ALPK1: variants seen among roughly 807,000 people sequenced by gnomAD.
ALPK1 encodes alpha kinase 1, also known as alpha-protein kinase 1.
ALPK1 carries 110 observed loss-of-function variants against 120.6 expected under a neutral mutation model. The ratio of observed to expected loss-of-function variants is 0.91; its 90% CI spans 0.78 to 1.07. The LOEUF is 1.07. ALPK1 is among the 50% of genes least tolerant of loss of function. ALPK1 has a pLI of 0.00. For synonymous variants in ALPK1, 582 were observed against 560.3 expected, an observed-to-expected ratio of 1.04 and a Z score of -0.55; for missense variants, 1,498 against 1,483.9, an observed-to-expected ratio of 1.01 and a Z score of -0.16.
chr4:112,306,811 C>T (rs1488789792), intron 1 of ALPK1, among the ~76,000 whole-genome samples: 1 of 151,930 alleles, frequency 6.6e-6, no homozygotes, highest in Non-Finnish European at 1.5e-5. Flanking sequence ...TGTGTTTGCC[C>T]TTGCTTCTCT....
intron 11 of ALPK1, 28 bp downstream of exon 11, chr4:112,432,609 C>G: frequency 1.3e-6 from 2 of 1,588,526 alleles, no homozygotes; most frequent in Non-Finnish European, 1.7e-6. Context: ...AATAGTTCCC[C>G]CCTCAGGAAG....
At chr4:112,376,461 T>C (rs1398434803) in intron 2 of ALPK1, among the ~76,000 whole-genome samples, 1 of 152,190 alleles carries the variant, frequency 6.6e-6, no homozygotes, top group Non-Finnish European at 1.5e-5. Context: ...GCCAAGTTAG[T>C]ATGAAAAACA....
chr4:112,358,392 G>T (rs1439515387), intron 2 of ALPK1: 1 of 616,596 alleles, frequency 1.6e-6, no homozygotes, highest in South Asian at 1.8e-5. Context: ...CCCAGTTTGC[G>T]TGAGGCAGAA....
At chr4:112,388,270 G>A (rs763080936) in intron 4 of ALPK1, among the ~76,000 whole-genome samples, 7 of 152,120 alleles carry the variant, frequency 4.6e-5, no homozygotes, top group Admixed American at 6.5e-5. Context: ...ATAAGAGTTG[G>A]TTATTGCAAG....
At chr4:112,382,691 G>A in intron 4 of ALPK1, 139 bp downstream of exon 4, 3 of 1,220,090 alleles carry the variant, frequency 2.5e-6, no homozygotes, top group South Asian at 1.4e-5. Context: ...ATTGACTAAT[G>A]TGAGGGAAAT....
chr4:112,437,939 C>A (rs1222362102), intron 12 of ALPK1, among the ~76,000 whole-genome samples: 3 of 152,198 alleles, frequency 2.0e-5, no homozygotes, highest in African/African-American at 7.2e-5. Flanking sequence ...TGCCTTGTGT[C>A]TTCCCACACC....
chr4:112,306,210 C>CA (rs1553930537), intron 1 of ALPK1, among the ~76,000 whole-genome samples: 1 of 151,188 alleles, frequency 6.6e-6, no homozygotes, highest in Non-Finnish European at 1.5e-5. Flanking sequence ...CTAAAATTCT[C>CA]TTTTTTTGTT....
At chr4:112,401,085 T>C (rs1390075891) in intron 4 of ALPK1, among the ~76,000 whole-genome samples, 1 of 152,158 alleles carries the variant, frequency 6.6e-6, no homozygotes, top group Non-Finnish European at 1.5e-5. Flanking sequence ...ATTTAACTGG[T>C]CTGGGCTGCC....
chr4:112,326,192 C>T (rs919713538), intron 2 of ALPK1, among the ~76,000 whole-genome samples: 3 of 152,012 alleles, frequency 2.0e-5, no homozygotes, highest in Non-Finnish European at 2.9e-5. Context: ...TTTATTTTTC[C>T]TTGACTTGAG....
chr4:112,335,497 G>C (rs989487677), intron 2 of ALPK1, among the ~76,000 whole-genome samples: 7 of 152,086 alleles, frequency 4.6e-5, no homozygotes, highest in Admixed American at 3.9e-4. Context: ...GTAGAAGCTG[G>C]AGCCATCTTG....
At chr4:112,420,783 T>C (rs1313860778) in intron 5 of ALPK1, among the ~76,000 whole-genome samples, 1 of 152,188 alleles carries the variant, frequency 6.6e-6, no homozygotes, top group Non-Finnish European at 1.5e-5. Flanking sequence ...ATTTGTCCTC[T>C]GAATCATCCT....
chr4:112,424,712 C>T (rs1391669193), intron 6 of ALPK1, among the ~76,000 whole-genome samples: 1 of 152,152 alleles, frequency 6.6e-6, no homozygotes, highest in East Asian at 1.9e-4. Context: ...TAACCACACA[C>T]CCCTCACTTG....
chr4:112,329,523 G>A (rs897279638), intron 2 of ALPK1, among the ~76,000 whole-genome samples: 2 of 152,120 alleles, frequency 1.3e-5, no homozygotes, highest in African/African-American at 4.8e-5. Flanking sequence ...TTGGTTTTGG[G>A]GTAGCTTGTA....
At chr4:112,425,072 C>G (rs1212434147) in intron 6 of ALPK1, 1 of 152,338 alleles carries the variant, frequency 6.6e-6, no homozygotes, top group African/African-American at 2.4e-5. Flanking sequence ...GCTCACCACT[C>G]CCTGCCTGAA....
intron 2 of ALPK1, among the ~76,000 whole-genome samples, chr4:112,366,842 A>G (rs1731179747): frequency 6.6e-6 from 1 of 152,250 alleles, no homozygotes; most frequent in African/African-American, 2.4e-5. Flanking sequence ...TGTGGTATAT[A>G]TACACCATGG....
At chr4:112,413,450 G>T (rs764427363) in intron 5 of ALPK1, among the ~76,000 whole-genome samples, 4 of 152,222 alleles carry the variant, frequency 2.6e-5, no homozygotes, top group Middle Eastern at 6.8e-3. Flanking sequence ...AGACAGTCTC[G>T]CTCTGTTGCC....
intron 2 of ALPK1, chr4:112,357,157 G>T: frequency 6.7e-7 from 1 of 1,488,230 alleles, no homozygotes; most frequent in Non-Finnish European, 9.3e-7. Context: ...GTGTCACCAA[G>T]CCAGGGAGCT....
intron 1 of ALPK1, among the ~76,000 whole-genome samples, chr4:112,312,391 G>A (rs373759769): frequency 4.6e-4 from 70 of 152,106 alleles, no homozygotes; most frequent in African/African-American, 1.4e-3. Flanking sequence ...TCCTGCCTCA[G>A]CCTCGCGAGT....
chr4:112,361,852 T>C (rs912159186), intron 2 of ALPK1, among the ~76,000 whole-genome samples: 1 of 152,204 alleles, frequency 6.6e-6, no homozygotes, highest in African/African-American at 2.4e-5. Flanking sequence ...CCCTGCTACC[T>C]CCACTGGAGT....
Sources: gnomAD v4.1 joint callset for allele counts (sites outside exome capture counted in the v4.1 genomes callset) on GRCh38, gnomAD v4.1.1 for gene constraint, MANE v1.5 for transcripts, NCBI Gene and HGNC (gene_info 2026-07-23, HGNC 2026-07-21) for gene names.